The following PDE1C variants were observed in gnomAD, a reference collection of about 807,000 sequenced individuals.
PDE1C encodes the protein phosphodiesterase 1C, also known as dual specificity calcium/calmodulin-dependent 3',5'-cyclic nucleotide phosphodiesterase 1C.
A neutral mutation model predicts 93.1 loss-of-function variants in PDE1C; 62 were observed. The observed-to-expected ratio is 0.67, with a 90% CI of 0.54 to 0.82. The LOEUF is 0.82. Ranked by LOEUF, PDE1C falls within the 40% of genes least tolerant of loss-of-function variation. The pLI, the probability that PDE1C is intolerant of heterozygous loss-of-function variation, is 0.00. For missense variants in PDE1C, 742 were observed against 884.6 expected, an observed-to-expected ratio of 0.84 and a Z score of 2.04; for synonymous variants, 325 against 310.1, an observed-to-expected ratio of 1.05 and a Z score of -0.50.
the PDE1C span, chr7:31,652,732 C>T: frequency 3.1e-6 from 5 of 1,613,812 alleles, no homozygotes; most frequent in Non-Finnish European, 4.2e-6. Context: ...GAGAACAGCA[C>T]CAGGATGTCT....
the PDE1C span, among the ~76,000 whole-genome samples, chr7:31,632,361 T>C: frequency 6.6e-6 from 1 of 152,062 alleles, no homozygotes; most frequent in African/African-American, 2.4e-5. Context: ...AACAGGAGAA[T>C]CGCTTGAACC....
intron 1 of PDE1C, among the ~76,000 whole-genome samples, chr7:32,250,169 C>A (rs901217778): frequency 6.6e-6 from 1 of 152,168 alleles, no homozygotes; most frequent in African/African-American, 2.4e-5. Context: ...ACACTGCCTG[C>A]CTGCCAAGCA....
intron 1 of PDE1C, among the ~76,000 whole-genome samples, chr7:32,365,376 A>C (rs1784210433): frequency 6.6e-6 from 1 of 152,122 alleles, no homozygotes; most frequent in Non-Finnish European, 1.5e-5. Flanking sequence ...GCTGCATCAC[A>C]GGCCTGAGAA....
chr7:31,630,624 A>G, the PDE1C span, among the ~76,000 whole-genome samples: 6 of 152,332 alleles, frequency 3.9e-5, no homozygotes, highest in African/African-American at 1.2e-4. Flanking sequence ...AGTATGTCAC[A>G]TATTTACCAA....
intron 16 of PDE1C, chr7:31,789,231 A>G (rs1046063022): frequency 6.6e-6 from 1 of 152,168 alleles, no homozygotes; most frequent in Non-Finnish European, 1.5e-5. Context: ...TTTGGTCTCA[A>G]GGGGGCTGCA....
chr7:31,799,573 G>GA (rs1216920579), intron 16 of PDE1C, among the ~76,000 whole-genome samples: 2 of 151,404 alleles, frequency 1.3e-5, no homozygotes, highest in East Asian at 3.9e-4. Context: ...AATTAAAAAA[G>GA]AAAAAAACAG....
At chr7:31,619,973 C>T in the PDE1C span, among the ~76,000 whole-genome samples, 28 of 152,182 alleles carry the variant, frequency 1.8e-4, no homozygotes, top group Non-Finnish European at 3.4e-4. Context: ...CCTGGCTTGG[C>T]GGGTCCTACG....
At chr7:31,635,037 T>C in the PDE1C span, among the ~76,000 whole-genome samples, 3 of 152,192 alleles carry the variant, frequency 2.0e-5, no homozygotes, top group South Asian at 6.2e-4. Context: ...TTGCCTTCCC[T>C]AAAGGCAATG....
chr7:31,973,153 T>C (rs7809170), intron 2 of PDE1C, among the ~76,000 whole-genome samples: 91,659 of 151,808 alleles, frequency 0.6, 27,812 homozygotes, highest in Middle Eastern at 0.68. Context: ...TAGGCAAATA[T>C]ATGTGACAGA....
chr7:31,639,056 T>A, the PDE1C span, among the ~76,000 whole-genome samples: 7 of 152,282 alleles, frequency 4.6e-5, no homozygotes, highest in African/African-American at 9.6e-5. Context: ...GGATTACAGG[T>A]GTGAGCCACT....
At chr7:31,733,118 T>G in the PDE1C span, among the ~76,000 whole-genome samples, 4 of 152,230 alleles carry the variant, frequency 2.6e-5, no homozygotes, top group African/African-American at 9.6e-5. Context: ...TACATATTTA[T>G]GAGCTAAATG....
At chr7:32,131,875 T>C (rs1220843012) in intron 3 of PDE1C, among the ~76,000 whole-genome samples, 1 of 152,060 alleles carries the variant, frequency 6.6e-6, no homozygotes, top group Non-Finnish European at 1.5e-5. Flanking sequence ...GAGTTTATAG[T>C]TGGGAGACAC....
intron 1 of PDE1C, among the ~76,000 whole-genome samples, chr7:32,375,512 G>A (rs966345851): frequency 6.6e-6 from 1 of 152,188 alleles, no homozygotes; most frequent in Non-Finnish European, 1.5e-5. Context: ...ACAGGGTGGT[G>A]GTGGTATATC....
At chr7:31,850,890 T>C in intron 7 of PDE1C, 149 bp from the exon 8 acceptor site, 1 of 636,568 alleles carries the variant, frequency 1.6e-6, no homozygotes. Flanking sequence ...AAATAAGTTA[T>C]TTTCCTGTGA....
intron 2 of PDE1C, among the ~76,000 whole-genome samples, chr7:31,947,422 G>A (rs1806767898): frequency 6.6e-6 from 1 of 152,162 alleles, no homozygotes; most frequent in Non-Finnish European, 1.5e-5. Flanking sequence ...ATGTGTTCAT[G>A]TTATATTTGA....
At chr7:32,044,234 T>C (rs1792218772) in intron 2 of PDE1C, among the ~76,000 whole-genome samples, 1 of 151,980 alleles carries the variant, frequency 6.6e-6, no homozygotes, top group Non-Finnish European at 1.5e-5. Flanking sequence ...AAAGATGGGA[T>C]TTCAACAGAT....
chr7:32,392,453 G>A (rs1321624818), intron 1 of PDE1C, among the ~76,000 whole-genome samples: 1 of 152,140 alleles, frequency 6.6e-6, no homozygotes, highest in Non-Finnish European at 1.5e-5. Flanking sequence ...TATGAGGTCA[G>A]TTTTATCCTG....
intron 1 of PDE1C, among the ~76,000 whole-genome samples, chr7:32,414,224 AG>A (rs1445705697): frequency 6.6e-6 from 1 of 151,632 alleles, no homozygotes; most frequent in African/African-American, 2.4e-5. Flanking sequence ...AAAAAAAAAA[AG>A]GAAAAATTAA....
intron 3 of PDE1C, among the ~76,000 whole-genome samples, chr7:32,166,068 A>G (rs886912287): frequency 8.6e-5 from 13 of 151,720 alleles, no homozygotes; most frequent in Non-Finnish European, 1.8e-4. Context: ...AAAAAAAGAC[A>G]TTATGTGAAG....
Sources: gnomAD v4.1 joint callset for allele counts (sites outside exome capture counted in the v4.1 genomes callset) on GRCh38, gnomAD v4.1.1 for gene constraint, MANE v1.5 for transcripts, NCBI Gene and HGNC (gene_info 2026-07-23, HGNC 2026-07-21) for gene names.